SNX6: variants seen among roughly 807,000 people sequenced by gnomAD.
SNX6 encodes the protein sorting nexin 6.
Under a neutral mutation model 63.0 loss-of-function variants are expected in SNX6, and 34 were observed. The observed-to-expected ratio is 0.54, with a 90% CI of 0.41 to 0.72. The LOEUF (loss-of-function observed/expected upper bound fraction) is 0.72, where lower values mean the gene tolerates loss of function less well. Ranked by LOEUF, SNX6 falls within the 30% of genes least tolerant of loss-of-function variation. The pLI is 0.00. For missense variants in SNX6, 398 were observed against 471.4 expected (o/e 0.84, Z 1.44); for synonymous variants, 170 against 164.2 (o/e 1.04, Z -0.27).
chr14:34,566,042 C>T (rs759819832), intron 13 of SNX6, among the ~76,000 whole-genome samples: 5 of 151,280 alleles, frequency 3.3e-5, no homozygotes, highest in Admixed American at 6.6e-5. Context: ...CTTGCGGTCT[C>T]GAACTCCTGA....
chr14:34,613,187 AG>A (rs2138366608), intron 2 of SNX6, among the ~76,000 whole-genome samples: 1 of 152,334 alleles, frequency 6.6e-6, no homozygotes, highest in South Asian at 2.1e-4. Flanking sequence ...AAGCTGGAGG[AG>A]GCAGGGAATT....
At chr14:34,620,466 G>C (rs574839335) in intron 2 of SNX6, among the ~76,000 whole-genome samples, 5 of 152,126 alleles carry the variant, frequency 3.3e-5, no homozygotes, top group Admixed American at 2.6e-4. Context: ...GGGCAACAGA[G>C]CAAGACTATG....
At position 34,581,554 on chromosome 14, in the gene SNX6, T is replaced by A; in HGVS notation, c.834+7A>T. On this transcript the variant is annotated splice_region_variant and intron_variant, in intron 10 of 13. Transcript: ENST00000362031. ...TATGCAGTATATCTCTATAATTTAG[T>A]ACTTACTCTTGTTTTATCGAACAGT... is the stretch of plus-strand genomic sequence containing the variant. The A allele has an allele frequency of 7.0e-7, 1 of 1,423,488 alleles. No homozygotes were observed. The highest frequency in any genetic ancestry group is 9.9e-7 in the Non-Finnish European group (1 of 1,014,138). 88.2% of individuals were successfully genotyped at this position (1,423,488 alleles called of 1,614,324 possible). A position where few individuals can be genotyped will look rare whatever the true frequency, so the allele number is the denominator to read the frequency against.
intron 10 of SNX6, among the ~76,000 whole-genome samples, chr14:34,579,523 C>G (rs1014027338): frequency 1.8e-4 from 28 of 151,942 alleles, no homozygotes; most frequent in African/African-American, 5.1e-4. Context: ...CAAGAGGATG[C>G]TTGAGCTCAA....
chr14:34,582,841 C>A (rs1425466047), intron 9 of SNX6, among the ~76,000 whole-genome samples: 1 of 151,228 alleles, frequency 6.6e-6, no homozygotes, highest in African/African-American at 2.4e-5. Context: ...CTGTGCCCAG[C>A]CAACAAAATT....
At chr14:34,585,074 A>C (rs1429380875) in intron 9 of SNX6, among the ~76,000 whole-genome samples, 1 of 151,840 alleles carries the variant, frequency 6.6e-6, no homozygotes, top group African/African-American at 2.4e-5. Context: ...CTGGTCTCAA[A>C]CTCCCGACCT....
chr14:34,615,922 A>G (rs61185993), intron 2 of SNX6, among the ~76,000 whole-genome samples: 3,190 of 152,192 alleles, frequency 0.021, 106 homozygotes, highest in African/African-American at 0.069. Flanking sequence ...CTAGATGCAT[A>G]TTTTTTATAA....
At chr14:34,585,679 TC>T (rs1882121911) in intron 9 of SNX6, among the ~76,000 whole-genome samples, 1 of 152,114 alleles carries the variant, frequency 6.6e-6, no homozygotes, top group Non-Finnish European at 1.5e-5. Context: ...CACTGCAACC[TC>T]CGCCTCCCGG....
chr14:34,606,894 G>A lies in SNX6; in HGVS notation c.270+1136C>T, dbSNP rs182334132. ...CCCAGGTTCAAGCAATTCTGCCTCA[G>A]CCTTCCAAGTATCTGGGATTACAGG... On this transcript the variant is annotated intron_variant, in intron 4 of 13. Transcript: ENST00000362031. Among the ~76,000 whole-genome samples, 55 of 152,152 alleles carry A rather than the reference G, an allele frequency of 3.6e-4. 1 individual carries two copies. In the East Asian group the frequency reaches 9.3e-3, roughly 26 times the overall value.
At chr14:34,629,984 G>T in intron 1 of SNX6, 30 bp from the exon 2 acceptor site, 1 of 1,528,800 alleles carries the variant, frequency 6.5e-7, no homozygotes, top group Non-Finnish European at 8.8e-7. Flanking sequence ...GGCGCGCCGG[G>T]GAAAAGGATG....
At position 34,605,249 on chromosome 14, in the gene SNX6, C is replaced by T. The variant is rs111865324; in HGVS notation, c.392+347G>A. Among the ~76,000 whole-genome samples the T allele has an allele frequency of 6.2e-3, 939 of 151,910 alleles. 8 individuals carry two copies. The highest frequency in any genetic ancestry group is 0.021 in the African/African-American group (873 of 41,498). On this transcript the variant is annotated intron_variant, in intron 5 of 13. Transcript: ENST00000362031. ...TAGAAAAAAAAAAACAATGACTATT[C>T]TACTTTAAAAAGTCATGTTCTCTAT...
intron 11 of SNX6, among the ~76,000 whole-genome samples, chr14:34,568,402 T>C (rs768410939): frequency 3.3e-5 from 5 of 151,948 alleles, no homozygotes; most frequent in Non-Finnish European, 5.9e-5. Flanking sequence ...GGCTAATTTT[T>C]GTAGTTTTAG....
At chr14:34,596,500 T>C (rs11622002) in intron 7 of SNX6, among the ~76,000 whole-genome samples, 57,410 of 149,092 alleles carry the variant, frequency 0.39, 11,426 homozygotes, top group Non-Finnish European at 0.43. Flanking sequence ...GTGCCTGTAA[T>C]CCCAGCTACT....
intron 9 of SNX6, among the ~76,000 whole-genome samples, chr14:34,584,762 T>TAGAG (rs138178248): frequency 0.031 from 4,682 of 151,316 alleles, 255 homozygotes; most frequent in African/African-American, 0.11. Flanking sequence ...AAAATATATA[T>TAGAG]AGAGAGAGAG....
intron 3 of SNX6, among the ~76,000 whole-genome samples, chr14:34,608,415 G>A (rs1049269384): frequency 1.3e-5 from 2 of 152,036 alleles, no homozygotes; most frequent in Non-Finnish European, 2.9e-5. Context: ...ATCCTGCCTC[G>A]GCCTCCCAAA....
At position 34,621,998 on chromosome 14, in the gene SNX6, G is replaced by C. The variant is rs1158194161; in HGVS notation, c.54+7909C>G. Among the ~76,000 whole-genome samples the C allele has an allele frequency of 1.6e-4, 18 of 115,354 alleles. No homozygotes were observed. The South Asian group carries it at 4.9e-3, about 31-fold the overall frequency. The allele number at this position is 115,354 out of a possible 152,430, so 75.7% of individuals were successfully genotyped here. The stretch of plus-strand genomic sequence containing the variant: ...TTTGAGATGGAGTTTCACTCTTGTC[G>C]CCCAGGCTGGAGTGCAGTGGCGTGA... On this transcript the variant is annotated intron_variant, in intron 2 of 13. Transcript: ENST00000362031.
chr14:34,608,237 G>A (rs1369931486), intron 3 of SNX6, 97 bp from the exon 4 acceptor site: 9 of 599,450 alleles, frequency 1.5e-5, no homozygotes, highest in South Asian at 9.9e-5. Flanking sequence ...GAGTGCAGTC[G>A]AACAATCTCG....
intron 5 of SNX6, among the ~76,000 whole-genome samples, chr14:34,604,472 A>G (rs115987655): frequency 0.021 from 3,176 of 152,270 alleles, 103 homozygotes; most frequent in African/African-American, 0.068. Context: ...GAAGTATAGT[A>G]GCAGTGTGAA....
In SNX6 at chr14:34,562,292, A is replaced by G. The variant is rs1452343911; in HGVS notation, c.*830T>C. 1 of 152,342 alleles carries G rather than the reference A, an allele frequency of 6.6e-6. No individual in the cohort carries two copies. Among genetic ancestry groups the G allele is most frequent in the Non-Finnish European group, 1.5e-5 (1 of 68,084 alleles). 9.4% of individuals were successfully genotyped at this position (152,342 alleles called of 1,614,324 possible). On this transcript the variant is annotated 3_prime_UTR_variant, in exon 14 of 14. Coordinates refer to ENST00000362031, the MANE Select transcript of SNX6 (RefSeq NM_152233.4). ...CTGCCTCTGTCCGATTCCACCTTCT[A>G]TGAAGTACACACAGAGGAGCAGTTC...
Sources: gnomAD v4.1 joint callset for allele counts (sites outside exome capture counted in the v4.1 genomes callset) on GRCh38, gnomAD v4.1.1 for gene constraint, MANE v1.5 for transcripts, NCBI Gene and HGNC (gene_info 2026-07-23, HGNC 2026-07-21) for gene names.